Variants in CFAP69 observed in about 807,000 individuals in gnomAD.
CFAP69 encodes the protein cilia- and flagella-associated protein 69.
CFAP69 carries 92 observed loss-of-function variants against 123.0 expected under a neutral mutation model. The observed-to-expected ratio is 0.75, with a 90% confidence interval of 0.63 to 0.89. The LOEUF is 0.89. CFAP69 is among the 40% of genes least tolerant of loss of function. The pLI is 0.00. For synonymous variants in CFAP69, 380 were observed against 364.3 expected, an observed-to-expected ratio of 1.04 and a Z score of -0.49; for missense variants, 1,067 against 1,096.9, an observed-to-expected ratio of 0.97 and a Z score of 0.39.
chr7:90,308,467 T>A (rs6948139), intron 21 of CFAP69, among the ~76,000 whole-genome samples: 76,648 of 151,948 alleles, frequency 0.5, 20,216 homozygotes, highest in Non-Finnish European at 0.59. Context: ...ATATCTTGGA[T>A]ACACTTTTTA....
Position 90,279,825 on chromosome 7 carries a change from TAGA to T in CFAP69, c.1309_1311del (p.Glu437del). On this transcript the variant is annotated inframe_deletion, in exon 12 of 23. Transcript: ENST00000389297. ...TTGTCATCAGTGGCTCCTTTATTAA[TAGA>T]AGAATACATGTCATGCCAGGGAAAT... The T allele has an allele frequency of 1.2e-6, 2 of 1,613,174 alleles. No individual in the cohort carries two copies. The highest frequency in any genetic ancestry group is 1.7e-6 in the Non-Finnish European group (2 of 1,179,820).
intron 15 of CFAP69, among the ~76,000 whole-genome samples, chr7:90,291,037 G>C (rs1791107590): frequency 6.6e-6 from 1 of 152,082 alleles, no homozygotes; most frequent in Non-Finnish European, 1.5e-5. Flanking sequence ...AGGCACTTTA[G>C]CAAATTCTTA....
intron 3 of CFAP69, among the ~76,000 whole-genome samples, chr7:90,259,469 G>GATTT (rs1798036789): frequency 9.6e-6 from 1 of 104,480 alleles, no homozygotes; most frequent in African/African-American, 3.7e-5. Flanking sequence ...TTTGTTTTGG[G>GATTT]GTGTTTGTTT....
At position 90,310,134 on chromosome 7, in the gene CFAP69, G is replaced by A. The variant is rs113102507; in HGVS notation, c.2722G>A (p.Asp908Asn). ...PARLVGGPLV[D>N]TDIALKKLPI... ...CCGATTAGTAGGAGGACCTCTGGTT[G>A]ATACGGATATTGCTCTTAAAAAACT... The change falls in exon 23 of 23, where the codon GAT (aspartate) becomes AAT (asparagine). Residue 908 changes from aspartate (D) to asparagine (N), a missense_variant. Transcript: ENST00000389297. 126 of 1,613,964 alleles carry A rather than the reference G, an allele frequency of 7.8e-5. 1 individual carries two copies. In the African/African-American group the frequency reaches 1.3e-3, roughly 17 times the overall value.
intron 17 of CFAP69, chr7:90,303,155 G>A (rs1793062652): frequency 6.6e-6 from 1 of 152,146 alleles, no homozygotes; most frequent in Non-Finnish European, 1.5e-5. Context: ...AGTCACTTTT[G>A]TACATTGATT....
At chr7:90,287,506 A>G in intron 14 of CFAP69, 2 of 985,420 alleles carry the variant, frequency 2.0e-6, no homozygotes, top group Non-Finnish European at 2.4e-6. Context: ...TTTTAGCTCC[A>G]TAGTGAACTC....
intron 1 of CFAP69, among the ~76,000 whole-genome samples, chr7:90,246,672 G>T (rs868527842): frequency 6.6e-6 from 1 of 152,212 alleles, no homozygotes; most frequent in Non-Finnish European, 1.5e-5. Context: ...TCCCTGGGCT[G>T]CAAGAAAGAT....
At position 90,307,761 on chromosome 7, in the gene CFAP69, A is replaced by T; in HGVS notation, c.2464-7A>T. 6.4e-7 allele frequency: 1 copy of T among 1,560,856 alleles called. No individual in the cohort carries two copies. Among genetic ancestry groups the T allele is most frequent in the Non-Finnish European group, 8.7e-7 (1 of 1,154,212 alleles). On this transcript the variant is annotated splice_polypyrimidine_tract_variant and splice_region_variant and intron_variant, in intron 20 of 22. Coordinates refer to ENST00000389297, the MANE Select transcript of CFAP69 (RefSeq NM_001039706.3). The stretch of plus-strand genomic sequence containing the variant: ...AAACTGAAACTTAATTATCTTTCTC[A>T]TTTCAGATACAGGCCACGCACAAGC...
At chr7:90,291,731 G>A (rs747824069) in intron 15 of CFAP69, among the ~76,000 whole-genome samples, 7 of 152,048 alleles carry the variant, frequency 4.6e-5, no homozygotes, top group Non-Finnish European at 8.8e-5. Flanking sequence ...TTGTGTTCAG[G>A]GTACAGGGGA....
intron 1 of CFAP69, among the ~76,000 whole-genome samples, chr7:90,250,184 A>AGGG: frequency 1.1e-5 from 1 of 88,292 alleles, no homozygotes; most frequent in South Asian, 3.9e-4. Context: ...CTCTTTAAAG[A>AGGG]GAGGAGAGAG....
downstream of CFAP69, among the ~76,000 whole-genome samples, chr7:90,313,188 C>G (rs1262731638): frequency 6.6e-6 from 1 of 152,200 alleles, no homozygotes; most frequent in Non-Finnish European, 1.5e-5. Context: ...ATCTGGTCAG[C>G]TCCATCTGAA....
chr7:90,304,675 ATAG>A, intron 18 of CFAP69, 66 bp from the exon 19 acceptor site: 1 of 1,530,304 alleles, frequency 6.5e-7, no homozygotes, highest in Non-Finnish European at 8.8e-7. Context: ...AGATAGATAG[ATAG>A]ATAGATAGAT....
downstream of CFAP69, among the ~76,000 whole-genome samples, chr7:90,311,667 T>C (rs1794344031): frequency 6.6e-6 from 1 of 152,176 alleles, no homozygotes; most frequent in African/African-American, 2.4e-5. Flanking sequence ...CATTATCCTG[T>C]CTGTGAAGAC....
At chr7:90,286,586 C>A (rs896327667) in intron 14 of CFAP69, 187 bp downstream of exon 14, 1 of 491,536 alleles carries the variant, frequency 2.0e-6, no homozygotes, top group Non-Finnish European at 3.4e-6. Flanking sequence ...AACTCATACC[C>A]CCAATTAAAA....
chr7:90,245,550 A>G lies in CFAP69; in HGVS notation c.120+6A>G, dbSNP rs1796220556. 4 of 1,483,854 alleles carry G rather than the reference A, an allele frequency of 2.7e-6. No individual in the cohort carries two copies. The East Asian group carries it at 1.1e-4, about 40-fold the overall frequency. 91.9% of individuals were successfully genotyped at this position (1,483,854 alleles called of 1,614,324 possible). On this transcript the variant is annotated splice_donor_region_variant and intron_variant, in intron 1 of 22. Coordinates refer to ENST00000389297, the MANE Select transcript of CFAP69 (RefSeq NM_001039706.3). ...CGGAGGACGATGAGGCGCAGGTATGAGCAGGTGTCTGTGCTTTCAGAGGTG... is the reference window on the plus strand; with the variant it reads ...CGGAGGACGATGAGGCGCAGGTATGGGCAGGTGTCTGTGCTTTCAGAGGTG...
chr7:90,275,996 A>G (rs897851783), intron 9 of CFAP69: 2 of 152,208 alleles, frequency 1.3e-5, no homozygotes, highest in African/African-American at 2.4e-5. Flanking sequence ...CTTGGTCACA[A>G]GATAGTTTTA....
chr7:90,246,658 C>G (rs1049219529), intron 1 of CFAP69, among the ~76,000 whole-genome samples: 9 of 152,194 alleles, frequency 5.9e-5, no homozygotes, highest in African/African-American at 2.2e-4. Context: ...CAATAGCTCT[C>G]CACTCCCTGG....
chr7:90,250,309 C>A (rs1744352456), intron 1 of CFAP69, among the ~76,000 whole-genome samples: 1 of 151,700 alleles, frequency 6.6e-6, no homozygotes, highest in Admixed American at 6.6e-5. Flanking sequence ...ATTAGACAGA[C>A]CTGCTGGCCC....
intron 15 of CFAP69, among the ~76,000 whole-genome samples, chr7:90,295,301 C>T (rs958248665): frequency 3.3e-5 from 5 of 152,152 alleles, no homozygotes; most frequent in Non-Finnish European, 5.9e-5. Context: ...AATCCAGGGT[C>T]GGTCAAGTTT....
Sources: allele counts gnomAD v4.1 joint callset (sites outside exome capture counted in the v4.1 genomes callset), GRCh38; gene constraint gnomAD v4.1.1; transcripts MANE v1.5; gene names NCBI Gene and HGNC (gene_info 2026-07-23, HGNC 2026-07-21).